Variants in ARHGAP24 observed in about 807,000 individuals in gnomAD.
The protein encoded by ARHGAP24 is Rho GTPase activating protein 24.
A neutral mutation model predicts 76.4 loss-of-function variants in ARHGAP24; 50 were observed. That is an observed-to-expected ratio of 0.65 (90% CI 0.52 to 0.83). ARHGAP24 has a LOEUF of 0.83. ARHGAP24 is among the 40% of genes least tolerant of loss of function. The pLI is 0.00. For missense variants in ARHGAP24, 930 were observed against 914.2 expected (o/e 1.02, Z -0.22); for synonymous variants, 345 against 323.3 (o/e 1.07, Z -0.72).
At chr4:85,823,862 C>A (rs1371017879) in intron 3 of ARHGAP24, among the ~76,000 whole-genome samples, 1 of 151,548 alleles carries the variant, frequency 6.6e-6, no homozygotes, top group Non-Finnish European at 1.5e-5. Context: ...CTCCCCTCCC[C>A]TCCCCTCCCC....
At chr4:85,874,876 AT>A (rs1732758563) in intron 3 of ARHGAP24, among the ~76,000 whole-genome samples, 1 of 113,726 alleles carries the variant, frequency 8.8e-6, no homozygotes, top group East Asian at 2.5e-4. Context: ...TTTTTATATA[AT>A]TTATATATAA....
At chr4:85,722,024 G>C (rs530004902) in intron 3 of ARHGAP24, 52 bp downstream of exon 3, 42 of 1,480,368 alleles carry the variant, frequency 2.8e-5, no homozygotes, top group Non-Finnish European at 5.7e-6. Context: ...TGTTGGTAAA[G>C]GTGAAGATGG....
intron 2 of ARHGAP24, among the ~76,000 whole-genome samples, chr4:85,669,958 T>G (rs1722769406): frequency 2.0e-5 from 3 of 151,728 alleles, no homozygotes; most frequent in Admixed American, 1.3e-4. Flanking sequence ...TTAGTGCAGG[T>G]CCCCAGAGCA....
chr4:85,516,664 GC>G (rs1355246836), intron 1 of ARHGAP24, among the ~76,000 whole-genome samples: 1 of 139,254 alleles, frequency 7.2e-6, no homozygotes, highest in Non-Finnish European at 1.5e-5. Context: ...TTTTTGAAGA[GC>G]TTTTATCTAT....
At chr4:85,840,173 C>CT (rs1284622620) in intron 3 of ARHGAP24, among the ~76,000 whole-genome samples, 1 of 151,764 alleles carries the variant, frequency 6.6e-6, no homozygotes. Context: ...CCTTAAGTGC[C>CT]TTTTTTAAGA....
At chr4:85,914,239 A>G (rs1360936998) in intron 3 of ARHGAP24, among the ~76,000 whole-genome samples, 1 of 152,236 alleles carries the variant, frequency 6.6e-6, no homozygotes, top group Non-Finnish European at 1.5e-5. Flanking sequence ...ACAAGCTAAT[A>G]GGATGAGTGT....
chr4:85,564,597 C>A (rs1343339345), intron 1 of ARHGAP24, among the ~76,000 whole-genome samples: 1 of 151,144 alleles, frequency 6.6e-6, no homozygotes, highest in Non-Finnish European at 1.5e-5. Context: ...GGTCCGCAAC[C>A]TTTTTAACAC....
intron 3 of ARHGAP24, among the ~76,000 whole-genome samples, chr4:85,861,820 G>A (rs1731918374): frequency 6.6e-6 from 1 of 151,982 alleles, no homozygotes; most frequent in South Asian, 2.1e-4. Context: ...GGTTTTCCCT[G>A]CTTCCGAACA....
chr4:85,665,090 T>A (rs4693730), intron 2 of ARHGAP24, among the ~76,000 whole-genome samples: 142,528 of 151,730 alleles, frequency 0.94, 67,020 homozygotes, highest in African/African-American at 0.98. Flanking sequence ...TGTCTCGTTT[T>A]TCTGTCTAAT....
intron 3 of ARHGAP24, among the ~76,000 whole-genome samples, chr4:85,898,014 TATAC>T (rs1182768889): frequency 7.6e-6 from 1 of 131,942 alleles, no homozygotes; most frequent in African/African-American, 2.9e-5. Context: ...CACATATATA[TATAC>T]ACACACATAT....
chr4:85,513,097 C>T (rs1347449575), intron 1 of ARHGAP24, among the ~76,000 whole-genome samples: 3 of 152,260 alleles, frequency 2.0e-5, no homozygotes, highest in African/African-American at 7.2e-5. Context: ...TGGCTAAACA[C>T]ACACAAGGAG....
At chr4:85,741,042 G>A (rs1283343949) in intron 3 of ARHGAP24, among the ~76,000 whole-genome samples, 3 of 152,192 alleles carry the variant, frequency 2.0e-5, no homozygotes, top group Admixed American at 2.0e-4. Context: ...AGAAATTGAA[G>A]CTTCAAATTA....
At chr4:85,738,800 T>C (rs1725702551) in intron 3 of ARHGAP24, among the ~76,000 whole-genome samples, 1 of 152,244 alleles carries the variant, frequency 6.6e-6, no homozygotes. Context: ...CACCACGTGT[T>C]GAACACAGTA....
rs1722085358 is a variant in ARHGAP24 at position 85,654,924 on chromosome 4, T to TATTAGAA, written c.181-66960_181-66959insTTAGAAA. ...ATATTAGAAAAATTTACATACACTATAACTCTTACAAAGTAAGTAGTGATT... is the reference window on the plus strand; with the variant it reads ...ATATTAGAAAAATTTACATACACTATATTAGAAAACTCTTACAAAGTAAGTAGTGATT... On this transcript the variant is annotated intron_variant, in intron 2 of 9. Transcript: ENST00000395184. 3.9e-5 allele frequency among the ~76,000 whole-genome samples: 6 copies of TATTAGAA among 152,356 alleles called. No homozygotes were observed. In the East Asian group the frequency reaches 1.2e-3, roughly 29 times the overall value.
intron 1 of ARHGAP24, among the ~76,000 whole-genome samples, chr4:85,556,110 G>T (rs1726351944): frequency 6.6e-6 from 1 of 152,048 alleles, no homozygotes; most frequent in African/African-American, 2.4e-5. Flanking sequence ...GCAACTGCTG[G>T]CCCAAGCTTG....
chr4:85,825,526 A>G (rs978085457), intron 3 of ARHGAP24, among the ~76,000 whole-genome samples: 1 of 152,340 alleles, frequency 6.6e-6, no homozygotes, highest in Middle Eastern at 3.4e-3. Flanking sequence ...AATTTAAGAA[A>G]ATTAAGATAA....
At chr4:85,763,836 T>G (rs1438426565) in intron 3 of ARHGAP24, among the ~76,000 whole-genome samples, 1 of 152,168 alleles carries the variant, frequency 6.6e-6, no homozygotes, top group East Asian at 1.9e-4. Flanking sequence ...AAATGTATGC[T>G]TTCTTACCAG....
chr4:85,999,275 G>A (rs1740865185), intron 9 of ARHGAP24, among the ~76,000 whole-genome samples: 1 of 152,134 alleles, frequency 6.6e-6, no homozygotes, highest in Non-Finnish European at 1.5e-5. Context: ...AACCAGCATA[G>A]TACCAACTTT....
intron 3 of ARHGAP24, among the ~76,000 whole-genome samples, chr4:85,875,696 TATTTATATATA>T (rs1333490205): frequency 7.5e-6 from 1 of 133,812 alleles, no homozygotes; most frequent in East Asian, 2.0e-4. Flanking sequence ...TTAAAAATAA[TATTTATATATA>T]ATTTATATAT....
Sources: allele counts gnomAD v4.1 joint callset (sites outside exome capture counted in the v4.1 genomes callset), GRCh38; gene constraint gnomAD v4.1.1; transcripts MANE v1.5; gene names NCBI Gene and HGNC (gene_info 2026-07-23, HGNC 2026-07-21).